RAB17: variants seen among roughly 807,000 people sequenced by gnomAD.
The protein encoded by RAB17 is ras-related protein Rab-17.
Under a neutral mutation model 19.3 loss-of-function variants are expected in RAB17, and 15 were observed. The ratio of observed to expected loss-of-function variants is 0.78; its 90% confidence interval spans 0.52 to 1.20. The LOEUF (loss-of-function observed/expected upper bound fraction) is 1.20. RAB17 is among the 50% of genes most tolerant of loss of function. The pLI, the probability that RAB17 is intolerant of heterozygous loss-of-function variation, is 0.00. For synonymous variants in RAB17, 110 were observed against 112.8 expected (o/e 0.97, Z 0.16); for missense variants, 262 against 269.3 (o/e 0.97, Z 0.19).
rs544634082 is a variant in RAB17 at position 237,574,394 on chromosome 2, T to TG, written c.*624dup. 229 of 1,528,788 alleles carry TG rather than the reference T, an allele frequency of 1.5e-4. 1 individual carries two copies. In the African/African-American group the frequency reaches 2.3e-3, roughly 15 times the overall value. The allele number at this position is 1,528,788 out of a possible 1,614,324, so 94.7% of individuals were successfully genotyped here. A position where few individuals can be genotyped will look rare whatever the true frequency, so the allele number is the denominator to read the frequency against. On this transcript the variant is annotated 3_prime_UTR_variant, in exon 6 of 6. Coordinates refer to ENST00000264601, the MANE Select transcript of RAB17 (RefSeq NM_022449.4). ...AGTACAACTTATATCTCAGGCGAAA[T>TG]GTCTCAGAATCTTCCTGCTCATTGG... is the stretch of plus-strand genomic sequence containing the variant.
chr2:237,584,188 C>A (rs1308773434), intron 2 of RAB17, among the ~76,000 whole-genome samples: 1 of 152,018 alleles, frequency 6.6e-6, no homozygotes, highest in Non-Finnish European at 1.5e-5. Context: ...CACATCACCC[C>A]CCCACCCCCA....
chr2:237,584,058 G>A lies in RAB17; in HGVS notation c.157+1940C>T, dbSNP rs185943701. Among the ~76,000 whole-genome samples, 277 of 152,002 alleles carry A rather than the reference G, an allele frequency of 1.8e-3. 2 individuals are homozygous for A. Among genetic ancestry groups the A allele is most frequent in the South Asian group, 0.017 (83 of 4,818 alleles). On this transcript the variant is annotated intron_variant, in intron 2 of 5. Coordinates refer to ENST00000264601, the MANE Select transcript of RAB17 (RefSeq NM_022449.4). ...CAGGGCAGGTGTGAGGGGGATGCTCGGACCCTGGCTTGCTGGAATGAAAGG... is the reference window on the plus strand; with the variant it reads ...CAGGGCAGGTGTGAGGGGGATGCTCAGACCCTGGCTTGCTGGAATGAAAGG...
At chr2:237,580,808 T>G (rs1189728453) in intron 2 of RAB17, among the ~76,000 whole-genome samples, 1 of 152,132 alleles carries the variant, frequency 6.6e-6, no homozygotes, top group Non-Finnish European at 1.5e-5. Flanking sequence ...TTTACACTAA[T>G]GTAAAATTCC....
rs200427826 is a variant in RAB17 at position 237,575,465 on chromosome 2, C to G, written c.451G>C (p.Ala151Pro). Residue 151 changes from alanine (A) to proline (P), a missense_variant, in exon 5 of 6, where the codon GCC becomes CCC. Transcript: ENST00000264601. ...ATGAACAGCAACTTCTGGCTGTCGGCAAACTCCTTCCCTTCCTGAAGGAAA... is the reference window on the plus strand; with the variant it reads ...ATGAACAGCAACTTCTGGCTGTCGGGAAACTCCTTCCCTTCCTGAAGGAAA... ...EVTFQEGKEF[A>P]DSQKLLFMET... 3.7e-6 allele frequency: 6 copies of G among 1,610,770 alleles called. No individual in the cohort carries two copies. The highest frequency in any genetic ancestry group is 1.3e-5 in the African/African-American group (1 of 74,878).
intron 1 of RAB17, among the ~76,000 whole-genome samples, chr2:237,589,577 C>T (rs756302184): frequency 2.3e-4 from 35 of 150,774 alleles, no homozygotes; most frequent in Non-Finnish European, 4.3e-4. Context: ...TCTTATATAA[C>T]TTTTTGTGTG....
At chr2:237,575,729 G>A (rs1193532462) in intron 4 of RAB17, 4 of 501,576 alleles carry the variant, frequency 8.0e-6, no homozygotes, top group Non-Finnish European at 1.4e-5. Context: ...GCAGGGCCTG[G>A]AAAGCCAAGT....
chr2:237,575,508 G>A (rs764596449), intron 4 of RAB17, 28 bp from the exon 5 acceptor site: 60 of 1,557,604 alleles, frequency 3.9e-5, no homozygotes, highest in Non-Finnish European at 5.0e-5. Context: ...AAAATCCAGC[G>A]CTGTTTATAA....
At chr2:237,580,440 G>A (rs1263741806) in intron 2 of RAB17, among the ~76,000 whole-genome samples, 1 of 152,084 alleles carries the variant, frequency 6.6e-6, no homozygotes, top group African/African-American at 2.4e-5. Context: ...CCTTTTCCAT[G>A]TTGAAAATGA....
chr2:237,581,237 T>C (rs1198642849), intron 2 of RAB17, among the ~76,000 whole-genome samples: 1 of 151,588 alleles, frequency 6.6e-6, no homozygotes, highest in Non-Finnish European at 1.5e-5. Flanking sequence ...TAGCTGGGTG[T>C]GGTGGCGCAC....
intron 2 of RAB17, among the ~76,000 whole-genome samples, chr2:237,584,238 G>A (rs550837326): frequency 2.0e-5 from 3 of 152,062 alleles, no homozygotes; most frequent in African/African-American, 4.8e-5. Flanking sequence ...AGCTCTCTGT[G>A]GGCTGAGCAC....
At chr2:237,581,202 T>C (rs2081305832) in intron 2 of RAB17, among the ~76,000 whole-genome samples, 1 of 151,954 alleles carries the variant, frequency 6.6e-6, no homozygotes, top group Non-Finnish European at 1.5e-5. Flanking sequence ...CAGTGAAACC[T>C]TGTCTCTACA....
chr2:237,584,186 C>T (rs986887908), intron 2 of RAB17, among the ~76,000 whole-genome samples: 1 of 151,902 alleles, frequency 6.6e-6, no homozygotes, highest in Non-Finnish European at 1.5e-5. Flanking sequence ...CACACATCAC[C>T]CCCCCACCCC....
chr2:237,578,206 G>A, intron 2 of RAB17, 51 bp from the exon 3 acceptor site: 1 of 1,560,310 alleles, frequency 6.4e-7, no homozygotes, highest in Non-Finnish European at 8.7e-7. Context: ...GTTGCCACAT[G>A]CGGCTCAGGT....
chr2:237,588,190 T>C (rs1312735425), intron 1 of RAB17, among the ~76,000 whole-genome samples: 4 of 152,064 alleles, frequency 2.6e-5, no homozygotes, highest in Non-Finnish European at 5.9e-5. Context: ...ATGAGGACTC[T>C]GCCCTCGTTA....
intron 1 of RAB17, among the ~76,000 whole-genome samples, chr2:237,589,649 A>T (rs2081377652): frequency 1.3e-5 from 2 of 152,234 alleles, no homozygotes; most frequent in South Asian, 4.1e-4. Context: ...GAGAAAATTA[A>T]AAGTGTGGCA....
chr2:237,586,967 T>C (rs2081355655), intron 1 of RAB17, among the ~76,000 whole-genome samples: 2 of 152,180 alleles, frequency 1.3e-5, no homozygotes, highest in South Asian at 4.1e-4. Context: ...TTGCAGTTCA[T>C]GTGTTGAAGA....
chr2:237,586,433 G>A (rs1283235063), intron 1 of RAB17, among the ~76,000 whole-genome samples: 1 of 152,136 alleles, frequency 6.6e-6, no homozygotes, highest in Non-Finnish European at 1.5e-5. Context: ...ACCCTGAAAA[G>A]CAATGATTAC....
chr2:237,587,365 T>A (rs6751184), intron 1 of RAB17, among the ~76,000 whole-genome samples: 39,960 of 152,116 alleles, frequency 0.26, 6,950 homozygotes, highest in African/African-American at 0.5. Flanking sequence ...ACAGAGTCTC[T>A]TCTCCCTTCC....
At chr2:237,581,878 A>G (rs1035679877) in intron 2 of RAB17, among the ~76,000 whole-genome samples, 1 of 152,238 alleles carries the variant, frequency 6.6e-6, no homozygotes, top group Non-Finnish European at 1.5e-5. Context: ...AAATGTGCAC[A>G]CAAGCACTAG....
Sources: allele counts gnomAD v4.1 joint callset (sites outside exome capture counted in the v4.1 genomes callset), GRCh38; gene constraint gnomAD v4.1.1; transcripts MANE v1.5; gene names NCBI Gene and HGNC (gene_info 2026-07-23, HGNC 2026-07-21).